The following CALCRL variants were observed in gnomAD, a reference collection of about 807,000 sequenced individuals.
CALCRL encodes the protein calcitonin gene-related peptide type 1 receptor.
Under a neutral mutation model 60.4 loss-of-function variants are expected in CALCRL, and 27 were observed. The observed-to-expected ratio is 0.45, with a 90% CI of 0.33 to 0.62. CALCRL has a LOEUF of 0.62. Ranked by LOEUF, CALCRL falls within the 20% of genes least tolerant of loss-of-function variation. CALCRL has a pLI of 0.03. For synonymous variants in CALCRL, 190 were observed against 182.6 expected (o/e 1.04, Z -0.33); for missense variants, 424 against 540.7 (o/e 0.78, Z 2.14).
chr2:187,362,818 T>C (rs1687113895), intron 9 of CALCRL, among the ~76,000 whole-genome samples: 1 of 152,114 alleles, frequency 6.6e-6, no homozygotes, highest in Non-Finnish European at 1.5e-5. Flanking sequence ...TTTAAAACAT[T>C]ATGCTATGAA....
At position 187,351,826 on chromosome 2, in the gene CALCRL, T is replaced by C; in HGVS notation, c.1170+94A>G. On this transcript the variant is annotated intron_variant, in intron 14 of 14. Transcript: ENST00000392370. ...AAACAGAATTTAACATGGTTGTTCC[T>C]GGGGAATTTATAATTTTATCTCATT... 5.2e-6 allele frequency: 4 copies of C among 774,452 alleles called. No homozygotes were observed. The South Asian group carries it at 5.6e-5, about 11-fold the overall frequency. The allele number at this position is 774,452 out of a possible 1,614,324, so 48.0% of individuals were successfully genotyped here.
chr2:187,442,070 T>TTATATATATA (rs370387256), intron 1 of CALCRL: 39 of 127,386 alleles, frequency 3.1e-4, no homozygotes, highest in African/African-American at 8.2e-4. Flanking sequence ...CTTAAAAACA[T>TTATATATATA]TATATATATA....
At chr2:187,374,565 T>C (rs1224858480) in intron 8 of CALCRL, among the ~76,000 whole-genome samples, 1 of 152,186 alleles carries the variant, frequency 6.6e-6, no homozygotes, top group East Asian at 1.9e-4. Flanking sequence ...CTCAGGAATC[T>C]TCAGATTCTA....
intron 14 of CALCRL, 118 bp from the exon 15 acceptor site, chr2:187,346,517 G>A (rs1272802670): frequency 1.2e-5 from 8 of 646,520 alleles, no homozygotes; most frequent in Non-Finnish European, 2.1e-5. Context: ...AAAAAGTTAT[G>A]TTAATCAGTG....
chr2:187,389,227 T>C (rs535598382), intron 1 of CALCRL, among the ~76,000 whole-genome samples: 24 of 152,080 alleles, frequency 1.6e-4, no homozygotes, highest in African/African-American at 5.5e-4. Context: ...CGCCCACCAC[T>C]GCGCCTGGCT....
At chr2:187,416,336 T>C (rs1246312998) in intron 1 of CALCRL, among the ~76,000 whole-genome samples, 1 of 152,166 alleles carries the variant, frequency 6.6e-6, no homozygotes, top group Admixed American at 6.6e-5. Flanking sequence ...AAATTTTTCA[T>C]CTTGAATGAT....
Position 187,387,439 on chromosome 2 carries a change from A to G in CALCRL, c.-147T>C, listed in dbSNP as rs1343395754. On this transcript the variant is annotated 5_prime_UTR_variant, in exon 3 of 15. Transcript: ENST00000392370. ...TAGTAGTTTTCTTTTTAGTGGTAGC[A>G]ATCTTTCAAATATTGTTTTCTATAG... The G allele has an allele frequency of 4.5e-6, 1 of 220,828 alleles. No individual in the cohort carries two copies. The highest frequency in any genetic ancestry group is 5.8e-5 in the Admixed American group (1 of 17,390). The allele number at this position is 220,828 out of a possible 1,614,324, so 13.7% of individuals were successfully genotyped here.
chr2:187,380,917 A>C (rs1390941482), intron 5 of CALCRL, 130 bp from the exon 6 acceptor site: 3 of 467,284 alleles, frequency 6.4e-6, no homozygotes, highest in African/African-American at 3.9e-5. Context: ...TTATATGAAA[A>C]TCTATATATA....
intron 3 of CALCRL, among the ~76,000 whole-genome samples, chr2:187,385,974 A>T (rs1688189319): frequency 6.6e-6 from 1 of 152,102 alleles, no homozygotes; most frequent in South Asian, 2.1e-4. Context: ...TACAAGTGTG[A>T]GCCACCCTGC....
intron 8 of CALCRL, among the ~76,000 whole-genome samples, chr2:187,369,261 G>GT (rs1687423247): frequency 6.6e-6 from 1 of 152,072 alleles, no homozygotes; most frequent in African/African-American, 2.4e-5. Context: ...TGGTCTTCTA[G>GT]TGAGCAGGAA....
At chr2:187,363,573 T>C in intron 8 of CALCRL, 71 bp from the exon 9 acceptor site, 1 of 1,398,998 alleles carries the variant, frequency 7.1e-7, no homozygotes, top group South Asian at 1.5e-5. Flanking sequence ...TCAAATAAGA[T>C]ACATTCCCAA....
intron 1 of CALCRL, among the ~76,000 whole-genome samples, chr2:187,402,224 G>T (rs58059768): frequency 6.6e-6 from 1 of 151,152 alleles, no homozygotes; most frequent in African/African-American, 2.4e-5. Context: ...AACCTCATAT[G>T]TTCCAAAAGT....
At chr2:187,422,573 A>G (rs1689925120) in intron 1 of CALCRL, among the ~76,000 whole-genome samples, 1 of 152,116 alleles carries the variant, frequency 6.6e-6, no homozygotes, top group Admixed American at 6.6e-5. Context: ...AAATTTGTCT[A>G]ATAATAGTGA....
intron 1 of CALCRL, among the ~76,000 whole-genome samples, chr2:187,440,620 C>T (rs1427285385): frequency 1.3e-5 from 2 of 152,058 alleles, no homozygotes; most frequent in Non-Finnish European, 2.9e-5. Flanking sequence ...ACGAACTTAG[C>T]TTTCAGGATT....
At chr2:187,373,672 G>T (rs549874766) in intron 8 of CALCRL, among the ~76,000 whole-genome samples, 1 of 152,080 alleles carries the variant, frequency 6.6e-6, no homozygotes, top group Admixed American at 6.6e-5. Context: ...TGAATCAGAC[G>T]CTCTGCTTAA....
intron 8 of CALCRL, among the ~76,000 whole-genome samples, chr2:187,367,072 C>T (rs982107455): frequency 4.0e-5 from 6 of 151,890 alleles, no homozygotes; most frequent in Admixed American, 1.3e-4. Flanking sequence ...ATGAAATTCC[C>T]TTGAAATTTA....
intron 14 of CALCRL, among the ~76,000 whole-genome samples, chr2:187,350,301 ATCCTATAC>A (rs1686468627): frequency 6.6e-6 from 1 of 151,658 alleles, no homozygotes; most frequent in African/African-American, 2.4e-5. Context: ...TAATTATTAC[ATCCTATAC>A]AAGTAGCATT....
chr2:187,373,234 C>T (rs1687609219), intron 8 of CALCRL, among the ~76,000 whole-genome samples: 1 of 152,010 alleles, frequency 6.6e-6, no homozygotes, highest in South Asian at 2.1e-4. Flanking sequence ...ACAAAGCTAG[C>T]TTTATAAAAT....
chr2:187,396,832 GTTTTTC>G (rs1688675348), intron 1 of CALCRL, among the ~76,000 whole-genome samples: 1 of 151,618 alleles, frequency 6.6e-6, no homozygotes, highest in African/African-American at 2.4e-5. Flanking sequence ...TAATGATACA[GTTTTTC>G]TTTTTCCAAA....
Sources: allele counts gnomAD v4.1 joint callset (sites outside exome capture counted in the v4.1 genomes callset), GRCh38; gene constraint gnomAD v4.1.1; transcripts MANE v1.5; gene names NCBI Gene and HGNC (gene_info 2026-07-23, HGNC 2026-07-21).